The following C12orf42 variants were observed in gnomAD, a reference collection of about 807,000 sequenced individuals.
C12orf42 encodes the protein chromosome 12 open reading frame 42, also known as uncharacterized protein C12orf42.
In C12orf42, 25 loss-of-function variants were observed where a neutral mutation model predicts 21.6. The observed-to-expected ratio is 1.16, with a 90% CI of 0.84 to 1.62. The LOEUF (loss-of-function observed/expected upper bound fraction) is 1.62. C12orf42 is among the 40% of genes most tolerant of loss of function. C12orf42 has a pLI of 0.00. For synonymous variants in C12orf42, 174 were observed against 175.0 expected (o/e 0.99, Z 0.05); for missense variants, 483 against 459.3 (o/e 1.05, Z -0.47).
chr12:103,227,263 A>G, the C12orf42 span, among the ~76,000 whole-genome samples: 5 of 151,932 alleles, frequency 3.3e-5, no homozygotes, highest in African/African-American at 4.8e-5. Flanking sequence ...GGGCTCAGAG[A>G]TAAGAGGTCG....
chr12:103,362,469 A>C (rs1168026879), intron 4 of C12orf42, among the ~76,000 whole-genome samples: 2 of 152,098 alleles, frequency 1.3e-5, no homozygotes, highest in Non-Finnish European at 2.9e-5. Context: ...CCCCCAAAAA[A>C]ATCACACTAG....
chr12:103,304,002 C>G (rs577044239), intron 5 of C12orf42, among the ~76,000 whole-genome samples: 9 of 152,272 alleles, frequency 5.9e-5, no homozygotes, highest in African/African-American at 2.2e-4. Context: ...ACAGGATATG[C>G]TTTCCTATGT....
intron 4 of C12orf42, among the ~76,000 whole-genome samples, chr12:103,344,159 T>C (rs1276433775): frequency 6.6e-6 from 1 of 152,194 alleles, no homozygotes; most frequent in East Asian, 1.9e-4. Context: ...GTTTTCATTG[T>C]TGTTATACAA....
At chr12:103,357,332 G>T (rs1170279498) in intron 4 of C12orf42, among the ~76,000 whole-genome samples, 2 of 151,500 alleles carry the variant, frequency 1.3e-5, no homozygotes, top group South Asian at 2.1e-4. Context: ...ATAATAAAAA[G>T]AAATGAGATG....
At chr12:103,444,991 A>G (rs1362672177) in intron 2 of C12orf42, among the ~76,000 whole-genome samples, 1 of 147,444 alleles carries the variant, frequency 6.8e-6, no homozygotes, top group Non-Finnish European at 1.5e-5. Flanking sequence ...AGATATCCAT[A>G]AGTAATAAAC....
chr12:103,348,475 G>A (rs1460122033), intron 4 of C12orf42, among the ~76,000 whole-genome samples: 1 of 152,158 alleles, frequency 6.6e-6, no homozygotes, highest in Non-Finnish European at 1.5e-5. Context: ...ATGACCAAAT[G>A]ACATCTGTAC....
the C12orf42 span, among the ~76,000 whole-genome samples, chr12:103,539,780 C>T: frequency 6.6e-6 from 1 of 151,886 alleles, no homozygotes; most frequent in Non-Finnish European, 1.5e-5. Context: ...GGGGTTTCAC[C>T]ATGTTGGCCA....
chr12:103,449,336 G>A (rs969380079), intron 2 of C12orf42, among the ~76,000 whole-genome samples: 1 of 151,814 alleles, frequency 6.6e-6, no homozygotes, highest in Admixed American at 6.6e-5. Context: ...TGGGGACTTG[G>A]GGGGAAGGTT....
the C12orf42 span, among the ~76,000 whole-genome samples, chr12:103,514,957 G>A: frequency 6.6e-6 from 1 of 152,136 alleles, no homozygotes; most frequent in Non-Finnish European, 1.5e-5. Flanking sequence ...GCAATGTCAA[G>A]GGAACTTTGT....
At chr12:103,152,080 G>A in the C12orf42 span, among the ~76,000 whole-genome samples, 1 of 152,114 alleles carries the variant, frequency 6.6e-6, no homozygotes, top group African/African-American at 2.4e-5. Context: ...GAAAACCCCA[G>A]CCAATAGCCA....
At chr12:103,415,966 A>T (rs1463547962) in intron 2 of C12orf42, among the ~76,000 whole-genome samples, 1 of 151,320 alleles carries the variant, frequency 6.6e-6, no homozygotes, top group Admixed American at 6.6e-5. Context: ...AGGTTTCCTC[A>T]TTCTTTTCAG....
the C12orf42 span, chr12:103,505,463 C>A: frequency 2.6e-6 from 1 of 377,876 alleles, no homozygotes. Context: ...ATGAACACGT[C>A]TGGGTGCTCT....
At chr12:103,088,955 C>A in the C12orf42 span, among the ~76,000 whole-genome samples, 22,548 of 151,668 alleles carry the variant, frequency 0.15, 2,261 homozygotes, top group Admixed American at 0.22. Flanking sequence ...TACAAAAAAT[C>A]AGCCGGGCGT....
the C12orf42 span, among the ~76,000 whole-genome samples, chr12:103,187,224 A>G: frequency 1.3e-5 from 2 of 152,328 alleles, no homozygotes; most frequent in South Asian, 4.1e-4. Flanking sequence ...ACACTATTTT[A>G]AGTGCATCTT....
the C12orf42 span, among the ~76,000 whole-genome samples, chr12:103,511,376 A>G: frequency 1.3e-5 from 2 of 150,004 alleles, no homozygotes; most frequent in African/African-American, 4.9e-5. Flanking sequence ...TATATAGTAT[A>G]CATTTATATA....
chr12:103,222,560 G>T, the C12orf42 span, among the ~76,000 whole-genome samples: 1,713 of 152,252 alleles, frequency 0.011, 29 homozygotes, highest in African/African-American at 0.038. Context: ...GAGCTCAGAG[G>T]CCTGACAATG....
At chr12:103,199,404 T>C in the C12orf42 span, among the ~76,000 whole-genome samples, 1 of 152,180 alleles carries the variant, frequency 6.6e-6, no homozygotes, top group African/African-American at 2.4e-5. Flanking sequence ...TGGACACTGA[T>C]GTTGGCAATA....
At chr12:103,274,424 T>C (rs946133648) in intron 5 of C12orf42, among the ~76,000 whole-genome samples, 7 of 152,192 alleles carry the variant, frequency 4.6e-5, no homozygotes, top group African/African-American at 1.7e-4. Context: ...ATACTTAGTA[T>C]AGATGGAGCT....
the C12orf42 span, chr12:103,550,333 T>G: frequency 6.6e-6 from 1 of 152,188 alleles, no homozygotes; most frequent in East Asian, 1.9e-4. Context: ...CTTTTCCTGT[T>G]AAAACTGTCT....
Sources: allele counts gnomAD v4.1 joint callset (sites outside exome capture counted in the v4.1 genomes callset), GRCh38; gene constraint gnomAD v4.1.1; transcripts MANE v1.5; gene names NCBI Gene and HGNC (gene_info 2026-07-23, HGNC 2026-07-21).